ALMS1: variants seen among roughly 807,000 people sequenced by gnomAD.
The protein encoded by ALMS1 is centrosome-associated protein ALMS1.
ALMS1 carries 271 observed loss-of-function variants against 352.2 expected under a neutral mutation model. The observed-to-expected ratio is 0.77, with a 90% CI of 0.70 to 0.85. ALMS1 has a LOEUF of 0.85. ALMS1 is among the 40% of genes least tolerant of loss of function. ALMS1 has a pLI of 0.00. For synonymous variants in ALMS1, 1,865 were observed against 1,761.2 expected (o/e 1.06, Z -1.48); for missense variants, 5,445 against 4,870.7 (o/e 1.12, Z -3.51).
At chr2:73,493,209 T>C (rs926326696) in intron 10 of ALMS1, among the ~76,000 whole-genome samples, 3 of 151,874 alleles carry the variant, frequency 2.0e-5, no homozygotes, top group Non-Finnish European at 4.4e-5. Flanking sequence ...GAAATAGATA[T>C]TATTACCTCA....
intron 3 of ALMS1, among the ~76,000 whole-genome samples, chr2:73,420,837 G>A (rs1381779282): frequency 6.6e-6 from 1 of 152,058 alleles, no homozygotes; most frequent in Non-Finnish European, 1.5e-5. Flanking sequence ...TTACGCATAA[G>A]TACTAACATT....
chr2:73,507,835 C>T (rs1673363780), intron 10 of ALMS1, among the ~76,000 whole-genome samples: 1 of 152,024 alleles, frequency 6.6e-6, no homozygotes, highest in Non-Finnish European at 1.5e-5. Flanking sequence ...AATTTGTTTG[C>T]CCTCGCTTCT....
At chr2:73,534,778 TAAC>T in intron 11 of ALMS1, 43 bp from the exon 12 acceptor site, 1 of 1,590,344 alleles carries the variant, frequency 6.3e-7, no homozygotes, top group Non-Finnish European at 8.6e-7. Flanking sequence ...TTCAATGAAT[TAAC>T]AAATGTTTTT....
At chr2:73,437,448 A>G (rs915957168) in intron 7 of ALMS1, among the ~76,000 whole-genome samples, 1 of 152,172 alleles carries the variant, frequency 6.6e-6, no homozygotes, top group Non-Finnish European at 1.5e-5. Flanking sequence ...CCACTCTATA[A>G]GTGGGGACTG....
In ALMS1 at chr2:73,424,786, A is replaced by G; in HGVS notation, c.1121A>G (p.Asp374Gly). 6.2e-7 allele frequency: 1 copy of G among 1,613,488 alleles called. No individual in the cohort carries two copies. The highest frequency in any genetic ancestry group is 1.1e-5 in the South Asian group (1 of 91,036). Residue 374 changes from aspartate (D) to glycine (G), a missense_variant, in exon 5 of 23, where the codon GAC becomes GGC. By Grantham distance (94) the Asp-to-Gly change is moderately conservative. Transcript: ENST00000613296. ...CAAGTTTCAGTTGCAACTTCATTTG[A>G]CATAACTGATGAAAACATAGCTACT... ...KDQVSVATSFDITDENIATKR... is the reference protein window; with the variant it reads ...KDQVSVATSFGITDENIATKR...
chr2:73,400,825 T>A (rs1418230887), intron 1 of ALMS1, among the ~76,000 whole-genome samples: 1 of 152,160 alleles, frequency 6.6e-6, no homozygotes, highest in Non-Finnish European at 1.5e-5. Context: ...TCTTGCTGTG[T>A]CACCGAGGCA....
chr2:73,562,378 A>G (rs943090211), intron 15 of ALMS1, among the ~76,000 whole-genome samples: 2 of 152,132 alleles, frequency 1.3e-5, no homozygotes, highest in African/African-American at 2.4e-5. Flanking sequence ...AAAATTTTGT[A>G]TATAGTGTTC....
At chr2:73,466,817 A>G (rs991119240) in intron 9 of ALMS1, among the ~76,000 whole-genome samples, 15 of 152,138 alleles carry the variant, frequency 9.9e-5, no homozygotes, top group African/African-American at 3.4e-4. Context: ...CATGACTGAG[A>G]TGAAATGTTA....
At chr2:73,402,376 C>T (rs978469413) in intron 1 of ALMS1, among the ~76,000 whole-genome samples, 5 of 149,372 alleles carry the variant, frequency 3.3e-5, no homozygotes, top group African/African-American at 7.4e-5. Flanking sequence ...CGAGTTCAAG[C>T]GATTCTTGTG....
rs1056278744 is a variant in ALMS1, at chr2:73,562,204, T to C, written c.10384+3062T>C. ...TTTTAGACATGGAGTCTCATTCTGT[T>C]GCCCAGGCTGGAGTGCAGTGGTGTG... On this transcript the variant is annotated intron_variant, in intron 15 of 22. Transcript: ENST00000613296. Among the ~76,000 whole-genome samples the C allele has an allele frequency of 2.6e-5, 4 of 152,200 alleles. No individual in the cohort carries two copies. The South Asian group carries it at 8.3e-4, about 31-fold the overall frequency.
rs1322924929 is a variant in ALMS1 at position 73,453,686 on chromosome 2, G to T, written c.7159G>T (p.Val2387Leu). 1 of 1,613,994 alleles carries T rather than the reference G, an allele frequency of 6.2e-7. No individual in the cohort carries two copies. Among genetic ancestry groups the T allele is most frequent in the Non-Finnish European group, 8.5e-7 (1 of 1,180,010 alleles). Residue 2387 changes from valine to leucine, a missense_variant, in exon 8 of 23, where the codon GTA (valine) becomes TTA (leucine). Val to Leu is a conservative substitution (Grantham distance 32). Coordinates refer to ENST00000613296, the MANE Select transcript of ALMS1 (RefSeq NM_001378454.1). ...TAGGCAATATCAAGCAGCCAAATCT[G>T]TAATGAGGTCTGAACCTGAAGGGTG... ...TLRQYQAAKS[V>L]MRSEPEGCSG... is the part of the protein sequence containing the mutation.
intron 10 of ALMS1, among the ~76,000 whole-genome samples, chr2:73,516,611 G>A (rs1673562587): frequency 6.6e-6 from 1 of 152,214 alleles, no homozygotes; most frequent in African/African-American, 2.4e-5. Context: ...GAACTCAGTT[G>A]AGGCTTTCAG....
chr2:73,509,860 A>G (rs1054733829), intron 10 of ALMS1, among the ~76,000 whole-genome samples: 1 of 152,222 alleles, frequency 6.6e-6, no homozygotes, highest in Non-Finnish European at 1.5e-5. Context: ...GTGTTTTCCA[A>G]CTTGGTTCCA....
chr2:73,395,626 A>G (rs947963071), intron 1 of ALMS1, among the ~76,000 whole-genome samples: 2 of 152,104 alleles, frequency 1.3e-5, no homozygotes, highest in East Asian at 1.9e-4. Context: ...TGATTTTTAT[A>G]TATATTAATA....
intron 15 of ALMS1, among the ~76,000 whole-genome samples, chr2:73,571,328 G>A (rs1282881901): frequency 6.6e-6 from 1 of 152,192 alleles, no homozygotes; most frequent in Admixed American, 6.5e-5. Context: ...TCAGAGATTA[G>A]AATTAGGGTT....
At position 73,572,769 on chromosome 2, in the gene ALMS1, G is replaced by A. The variant is rs142558799; in HGVS notation, c.10892G>A (p.Arg3631His). Residue 3631 changes from arginine to histidine, a missense_variant, in exon 16 of 23, where the codon CGT becomes CAT. By Grantham distance (29) the Arg-to-His change is conservative (BLOSUM62 0). Transcript: ENST00000613296. ...KELSLVDRLD[R>H]LAKILQNPIT... Reference sequence around the variant, plus strand: ...CTGTCCTTGGTGGACCGACTTGATCGTTTGGCTAAAATTCTTCAGAATCCA... The same window carrying A: ...CTGTCCTTGGTGGACCGACTTGATCATTTGGCTAAAATTCTTCAGAATCCA... The A allele has an allele frequency of 1.6e-4, 257 of 1,614,058 alleles. No individual in the cohort carries two copies. The African/African-American group carries it at 1.8e-3, about 12-fold the overall frequency.
In ALMS1 at chr2:73,449,824, A is replaced by G. The variant is rs752380226; in HGVS notation, c.3297A>G (p.Gln1099=). The change falls in exon 8 of 23, where the codon CAA becomes CAG. Residue 1099 remains glutamine (Q), a synonymous_variant. Transcript: ENST00000613296. ...TPAVPSTFYS[Q]REKPGIFYQQ... ...CAGTACCGTCTACTTTCTACTCACAAAGAGAGAAGCCTGGTATTTTCTACC... is the reference window on the plus strand; with the variant it reads ...CAGTACCGTCTACTTTCTACTCACAGAGAGAGAAGCCTGGTATTTTCTACC... The G allele has an allele frequency of 6.2e-7, 1 of 1,613,800 alleles. No homozygotes were observed. Among genetic ancestry groups the G allele is most frequent in the African/African-American group, 1.3e-5 (1 of 74,932 alleles).
chr2:73,468,205 C>A (rs1157081290), intron 9 of ALMS1, among the ~76,000 whole-genome samples: 2 of 151,848 alleles, frequency 1.3e-5, no homozygotes, highest in African/African-American at 2.4e-5. Context: ...AGGCATAAAT[C>A]TAACAAGATT....
At chr2:73,578,325 C>CT (rs1303708057) in intron 16 of ALMS1, among the ~76,000 whole-genome samples, 3 of 152,096 alleles carry the variant, frequency 2.0e-5, no homozygotes, top group African/African-American at 7.2e-5. Flanking sequence ...TTTTTATAAG[C>CT]TATTCTGCCC....
Sources: allele counts gnomAD v4.1 joint callset (sites outside exome capture counted in the v4.1 genomes callset), GRCh38; gene constraint gnomAD v4.1.1; transcripts MANE v1.5; gene names NCBI Gene and HGNC (gene_info 2026-07-23, HGNC 2026-07-21).